The following SAMM50 variants were observed in gnomAD, a reference collection of about 807,000 sequenced individuals.
The protein encoded by SAMM50 is sorting and assembly machinery component 50 homolog.
Under a neutral mutation model 66.9 loss-of-function variants are expected in SAMM50, and 47 were observed. That is an observed-to-expected ratio of 0.70 (90% CI 0.56 to 0.90). The LOEUF (loss-of-function observed/expected upper bound fraction) is 0.90, where lower values mean the gene tolerates loss of function less well. Ranked by LOEUF, SAMM50 falls within the 40% of genes least tolerant of loss-of-function variation. The pLI, the probability that SAMM50 is intolerant of heterozygous loss-of-function variation, is 0.00. For missense variants in SAMM50, 535 were observed against 595.3 expected (o/e 0.90, Z 1.05); for synonymous variants, 191 against 214.1 (o/e 0.89, Z 0.94).
At position 43,960,045 on chromosome 22, in the gene SAMM50, T is replaced by C. The variant is rs532840049; in HGVS notation, c.22-3241T>C. Among the ~76,000 whole-genome samples the C allele has an allele frequency of 3.6e-4, 55 of 152,310 alleles. 1 individual carries two copies. The South Asian group carries it at 0.011, about 30-fold the overall frequency. ...AAGATCTTTGGTGAACCTTGTTTCA[T>C]GCTTGGAGATTTTAGAAAGTGCAGT... is the stretch of plus-strand genomic sequence containing the variant. On this transcript the variant is annotated intron_variant, in intron 1 of 14. Coordinates refer to ENST00000350028, the MANE Select transcript of SAMM50 (RefSeq NM_015380.5).
intron 4 of SAMM50, among the ~76,000 whole-genome samples, chr22:43,969,372 G>GT (rs1240101200): frequency 6.6e-6 from 1 of 152,198 alleles, no homozygotes; most frequent in Non-Finnish European, 1.5e-5. Flanking sequence ...TCTTTGGCTA[G>GT]TGAGCACCTG....
intron 1 of SAMM50, among the ~76,000 whole-genome samples, chr22:43,961,416 A>G (rs758157820): frequency 6.6e-6 from 1 of 152,216 alleles, no homozygotes; most frequent in Non-Finnish European, 1.5e-5. Flanking sequence ...TATGTTAAAT[A>G]TGTAAGTATA....
intron 4 of SAMM50, among the ~76,000 whole-genome samples, chr22:43,971,208 C>T (rs1052198884): frequency 2.0e-5 from 3 of 152,224 alleles, no homozygotes; most frequent in Admixed American, 2.0e-4. Flanking sequence ...CACCCTAGAA[C>T]TGTTGGACCT....
In SAMM50 at chr22:43,972,338, G is replaced by T; in HGVS notation, c.425G>T (p.Ser142Ile). The stretch of plus-strand genomic sequence containing the variant: ...ACCATGGTTGGAAACAATGAAGGCA[G>T]TATGGTATGCTACAGGCTTTTTACT... ...YNTMVGNNEG[S>I]MVLGLKLPNL... The change falls in exon 5 of 15, where the codon AGT (serine) becomes ATT (isoleucine). Residue 142 changes from serine (S) to isoleucine (I), a missense_variant. Transcript: ENST00000350028. 6.4e-7 allele frequency: 1 copy of T among 1,560,846 alleles called. No individual in the cohort carries two copies. The highest frequency in any genetic ancestry group is 8.7e-7 in the Non-Finnish European group (1 of 1,148,376).
At chr22:43,973,210 T>G (rs762107533) in intron 6 of SAMM50, 26 bp from the exon 7 acceptor site, 2 of 1,468,760 alleles carry the variant, frequency 1.4e-6, no homozygotes, top group South Asian at 2.3e-5. Flanking sequence ...TTTCAGCTTT[T>G]AAAGCTCTAT....
At chr22:43,971,249 A>T (rs1259516506) in intron 4 of SAMM50, among the ~76,000 whole-genome samples, 1 of 152,206 alleles carries the variant, frequency 6.6e-6, no homozygotes, top group African/African-American at 2.4e-5. Flanking sequence ...GAGCATCAGC[A>T]TATTTTGACA....
chr22:43,996,176 G>A, intron 14 of SAMM50, 162 bp from the exon 15 acceptor site: 1 of 756,330 alleles, frequency 1.3e-6, no homozygotes, highest in Non-Finnish European at 2.4e-6. Flanking sequence ...AAAGGAGGAA[G>A]CAGCCGGGGC....
At chr22:43,958,279 C>T (rs1269721149) in intron 1 of SAMM50, among the ~76,000 whole-genome samples, 14 of 152,056 alleles carry the variant, frequency 9.2e-5, no homozygotes, top group African/African-American at 2.7e-4. Flanking sequence ...TTTGCATTTT[C>T]GTCTTATCCT....
intron 7 of SAMM50, chr22:43,975,079 A>C (rs1051940182): frequency 6.6e-6 from 1 of 152,164 alleles, no homozygotes; most frequent in Non-Finnish European, 1.5e-5. Context: ...TAAGGAATGA[A>C]GAAATGATTT....
At chr22:43,972,162 G>T in intron 4 of SAMM50, 74 bp from the exon 5 acceptor site, 1 of 824,932 alleles carries the variant, frequency 1.2e-6, no homozygotes, top group Non-Finnish European at 1.9e-6. Context: ...ATTGCTTTTT[G>T]TCTTTTTTAG....
chr22:43,976,634 G>C, intron 8 of SAMM50, 116 bp from the exon 9 acceptor site: 1 of 760,838 alleles, frequency 1.3e-6, no homozygotes. Flanking sequence ...CTGTGAACAC[G>C]AAATGACATG....
rs944909861 is a variant in SAMM50 at position 43,985,371 on chromosome 22, A to G, written c.1075+1371A>G. On this transcript the variant is annotated intron_variant, in intron 12 of 14. Transcript: ENST00000350028. ...GGGCTCCCTTCATCCCTCCCACCAGACCACTGGAAACGACAGGTCTTTGAA... is the reference window on the plus strand; with the variant it reads ...GGGCTCCCTTCATCCCTCCCACCAGGCCACTGGAAACGACAGGTCTTTGAA... Among the ~76,000 whole-genome samples the G allele has an allele frequency of 2.6e-5, 4 of 151,914 alleles. 1 individual carries two copies. The highest frequency in any genetic ancestry group is 9.7e-5 in the African/African-American group (4 of 41,228).
At chr22:43,960,681 A>T (rs1261527241) in intron 1 of SAMM50, among the ~76,000 whole-genome samples, 1 of 152,112 alleles carries the variant, frequency 6.6e-6, no homozygotes, top group Non-Finnish European at 1.5e-5. Context: ...GTGAGCCGAG[A>T]TTGCGCCATT....
chr22:43,960,647 C>T (rs533038992), intron 1 of SAMM50, among the ~76,000 whole-genome samples: 8 of 152,132 alleles, frequency 5.3e-5, no homozygotes, highest in Admixed American at 2.6e-4. Context: ...GAGAATGGCT[C>T]GAACCCGGGA....
In SAMM50 at chr22:43,994,501, A is replaced by G. The variant is rs1242604111; in HGVS notation, c.1365-1837A>G. ...GCAAGGCGCCAAGGGTGCTGTTGGC[A>G]TGACCTTCCTAAAGCACCCCATGCT... is the stretch of plus-strand genomic sequence containing the variant. On this transcript the variant is annotated intron_variant, in intron 14 of 14. Transcript: ENST00000350028. 2.6e-5 allele frequency among the ~76,000 whole-genome samples: 4 copies of G among 152,288 alleles called. No homozygotes were observed. The East Asian group carries it at 5.8e-4, about 22-fold the overall frequency.
intron 11 of SAMM50, among the ~76,000 whole-genome samples, chr22:43,982,090 C>G (rs2050267903): frequency 6.6e-6 from 1 of 152,108 alleles, no homozygotes; most frequent in African/African-American, 2.4e-5. Context: ...AATCATTGTC[C>G]TCTAGGGCAA....
chr22:43,979,611 T>C (rs1014610169), intron 10 of SAMM50, among the ~76,000 whole-genome samples: 2 of 151,334 alleles, frequency 1.3e-5, no homozygotes, highest in Non-Finnish European at 2.9e-5. Flanking sequence ...GACATATTAG[T>C]CTTTTTGAGT....
intron 7 of SAMM50, among the ~76,000 whole-genome samples, chr22:43,973,986 C>T (rs1461873775): frequency 6.6e-6 from 1 of 151,436 alleles, no homozygotes; most frequent in Non-Finnish European, 1.5e-5. Flanking sequence ...CATTGGAATT[C>T]GTATCATTTG....
chr22:43,977,719 A>G (rs1052451944), intron 9 of SAMM50, among the ~76,000 whole-genome samples, 153 bp from the exon 10 acceptor site: 6 of 152,188 alleles, frequency 3.9e-5, no homozygotes, highest in African/African-American at 1.4e-4. Context: ...GCTGTCCGCA[A>G]CAATTAGGAT....
Sources: allele counts gnomAD v4.1 joint callset (sites outside exome capture counted in the v4.1 genomes callset), GRCh38; gene constraint gnomAD v4.1.1; transcripts MANE v1.5; gene names NCBI Gene and HGNC (gene_info 2026-07-23, HGNC 2026-07-21).